The following FTO variants were observed in gnomAD, a reference collection of about 807,000 sequenced individuals.
FTO encodes alpha-ketoglutarate-dependent dioxygenase FTO.
FTO carries 47 observed loss-of-function variants against 63.9 expected under a neutral mutation model. The ratio of observed to expected loss-of-function variants is 0.74; its 90% confidence interval spans 0.58 to 0.94. FTO has a LOEUF of 0.94. Among genes scored for constraint, FTO ranks in the 40% least tolerant of loss-of-function variants. The probability of loss-of-function intolerance (pLI) is 0.00; values close to 1 mark genes in which losing one functional copy is unlikely to be tolerated. For missense variants in FTO, 562 were observed against 618.1 expected (o/e 0.91, Z 0.96); for synonymous variants, 207 against 224.4 (o/e 0.92, Z 0.69).
intron 1 of FTO, among the ~76,000 whole-genome samples, chr16:53,780,558 C>T (rs62033401): frequency 0.099 from 15,120 of 152,112 alleles, 934 homozygotes; most frequent in Middle Eastern, 0.25. Context: ...CCTGTAGAGA[C>T]GGGGTTTTGC....
At chr16:53,822,013 C>T (rs62033422) in intron 2 of FTO, among the ~76,000 whole-genome samples, 58,024 of 151,920 alleles carry the variant, frequency 0.38, 11,463 homozygotes, top group Middle Eastern at 0.51. Flanking sequence ...ATGTTCCAGG[C>T]TGGAAGGGAT....
intron 8 of FTO, among the ~76,000 whole-genome samples, chr16:54,104,522 A>G (rs1167659022): frequency 1.3e-5 from 2 of 152,108 alleles, no homozygotes; most frequent in African/African-American, 4.8e-5. Context: ...CACATTGGTC[A>G]GGCTGGTCTC....
Position 54,120,459 on chromosome 16 carries a change from T to G in FTO, c.*8544T>G, listed in dbSNP as rs1315206389. 1 of 152,248 alleles carries G rather than the reference T, an allele frequency of 6.6e-6. No individual in the cohort carries two copies. The highest frequency in any genetic ancestry group is 1.5e-5 in the Non-Finnish European group (1 of 68,058). The allele number at this position is 152,248 out of a possible 1,614,324, so 9.4% of individuals were successfully genotyped here. On this transcript the variant is annotated 3_prime_UTR_variant, in exon 9 of 9. Transcript: ENST00000471389. ...ATTTCTAATTTCTGCCCTTTGCTCA[T>G]TTTAATACAGAGCCTGAGGATAGGA...
chr16:54,112,910 T>C lies in FTO; in HGVS notation c.*995T>C, dbSNP rs1400652886. ...ACCTCAGTGGCCCATCCTGATGACA[T>C]TGGAGACTCAAAGAGACAAGAGAGA... On this transcript the variant is annotated 3_prime_UTR_variant, in exon 9 of 9. Transcript: ENST00000471389. 2 of 152,138 alleles carry C rather than the reference T, an allele frequency of 1.3e-5. No homozygotes were observed. The highest frequency in any genetic ancestry group is 2.9e-5 in the Non-Finnish European group (2 of 68,024). The allele number at this position is 152,138 out of a possible 1,614,324, so 9.4% of individuals were successfully genotyped here.
chr16:54,057,933 A>G (rs1246944283), intron 8 of FTO, among the ~76,000 whole-genome samples: 1 of 152,000 alleles, frequency 6.6e-6, no homozygotes, highest in Admixed American at 6.6e-5. Context: ...AGTGGTAAGA[A>G]CACATCTCCA....
chr16:53,717,200 C>G (rs2075914881), intron 1 of FTO, among the ~76,000 whole-genome samples: 1 of 151,924 alleles, frequency 6.6e-6, no homozygotes, highest in African/African-American at 2.4e-5. Flanking sequence ...TTTTGGTTCT[C>G]ATTGTCAAGT....
At chr16:53,840,068 G>A (rs1279120502) in intron 3 of FTO, among the ~76,000 whole-genome samples, 3 of 152,032 alleles carry the variant, frequency 2.0e-5, no homozygotes, top group African/African-American at 7.2e-5. Context: ...CTCCCAATGT[G>A]CTGGGATTAC....
intron 8 of FTO, among the ~76,000 whole-genome samples, chr16:54,078,149 T>G (rs1445978901): frequency 6.6e-6 from 1 of 151,962 alleles, no homozygotes; most frequent in East Asian, 1.9e-4. Flanking sequence ...CTTCCGTTGG[T>G]CTAAATTCTA....
intron 8 of FTO, chr16:53,991,287 C>T (rs1290639692): frequency 6.6e-6 from 1 of 152,192 alleles, no homozygotes; most frequent in Non-Finnish European, 1.5e-5. Flanking sequence ...AACACCCAAG[C>T]CTCGTGATTA....
chr16:53,987,788 A>G (rs752688995), intron 8 of FTO, among the ~76,000 whole-genome samples: 38 of 152,258 alleles, frequency 2.5e-4, no homozygotes, highest in South Asian at 6.2e-4. Context: ...ACTCTTCAGT[A>G]TTATTATTTT....
rs1284441539 is a variant in FTO at position 53,997,194 on chromosome 16, GGAGAAAGAAAGAAGGAAGGAAGGA to G, written c.1364+63090_1364+63113del. Among the ~76,000 whole-genome samples, 8 of 143,524 alleles carry G rather than the reference GGAGAAAGAAAGAAGGAAGGAAGGA, an allele frequency of 5.6e-5. No homozygotes were observed. In the East Asian group the frequency reaches 1.1e-3, roughly 19 times the overall value. The allele number at this position is 143,524 out of a possible 152,430, so 94.2% of individuals were successfully genotyped here. On this transcript the variant is annotated intron_variant, in intron 8 of 8. Transcript: ENST00000471389. ...GAGAGGGAGAGAAAGAAGGAAGGAAGGAGAAAGAAAGAAGGAAGGAAGGAGAGAGAGAGAAAGAAAGAAAGAAAG... is the reference window on the plus strand; with the variant it reads ...GAGAGGGAGAGAAAGAAGGAAGGAAGGAGAGAGAGAAAGAAAGAAAGAAAG...
intron 4 of FTO, among the ~76,000 whole-genome samples, chr16:53,855,169 T>C (rs2079949249): frequency 6.6e-6 from 1 of 152,178 alleles, no homozygotes; most frequent in Non-Finnish European, 1.5e-5. Context: ...AATTTGTTTT[T>C]CAAATCTAGG....
intron 8 of FTO, among the ~76,000 whole-genome samples, chr16:54,099,302 A>G (rs1260065922): frequency 6.6e-6 from 1 of 152,134 alleles, no homozygotes; most frequent in African/African-American, 2.4e-5. Flanking sequence ...GTTTGTTTTC[A>G]TTGTTGCCCT....
intron 8 of FTO, among the ~76,000 whole-genome samples, chr16:54,106,834 A>G (rs2086765367): frequency 7.3e-6 from 1 of 137,186 alleles, no homozygotes; most frequent in Non-Finnish European, 1.5e-5. Context: ...TATATAATTT[A>G]TGTATATCAT....
intron 4 of FTO, among the ~76,000 whole-genome samples, chr16:53,858,044 T>C (rs1036141213): frequency 6.6e-6 from 1 of 152,060 alleles, no homozygotes; most frequent in Non-Finnish European, 1.5e-5. Flanking sequence ...TAATTTTATA[T>C]AAACAAAGGA....
chr16:53,780,995 C>T (rs1435786529), intron 1 of FTO, among the ~76,000 whole-genome samples: 11 of 152,018 alleles, frequency 7.2e-5, no homozygotes. Context: ...ATTTATTTGG[C>T]TATTTTTCTG....
chr16:53,770,350 T>C (rs2151629384), intron 1 of FTO, among the ~76,000 whole-genome samples: 1 of 152,340 alleles, frequency 6.6e-6, no homozygotes, highest in African/African-American at 2.4e-5. Context: ...CAGTGATTGC[T>C]GAGAAATTAT....
At position 54,117,259 on chromosome 16, in the gene FTO, T is replaced by C. The variant is rs953078865; in HGVS notation, c.*5344T>C. 1 of 152,196 alleles carries C rather than the reference T, an allele frequency of 6.6e-6. No homozygotes were observed. Among genetic ancestry groups the C allele is most frequent in the Non-Finnish European group, 1.5e-5 (1 of 68,054 alleles). The allele number at this position is 152,196 out of a possible 1,614,324, so 9.4% of individuals were successfully genotyped here. ...TCAATAAGTTAATGCGTATTTAAAATGCCTCCCACAGTACCTGACATATAC... is the reference window on the plus strand; with the variant it reads ...TCAATAAGTTAATGCGTATTTAAAACGCCTCCCACAGTACCTGACATATAC... On this transcript the variant is annotated 3_prime_UTR_variant, in exon 9 of 9. Transcript: ENST00000471389.
rs2085231012 is a variant in FTO, at chr16:54,048,266, AAAAAAAAG to A, written c.1365-63493_1365-63486del. Reference sequence around the variant, plus strand: ...AAAATAAAAATACTTGAAAAAAAAAAAAAAAAAGAAGCTAAGATTTGAGTTGCTTGGGT... The same window carrying A: ...AAAATAAAAATACTTGAAAAAAAAAAAAGCTAAGATTTGAGTTGCTTGGGT... On this transcript the variant is annotated intron_variant, in intron 8 of 8. Coordinates refer to ENST00000471389, the MANE Select transcript of FTO (RefSeq NM_001080432.3). Among the ~76,000 whole-genome samples the A allele has an allele frequency of 2.6e-5, 4 of 151,040 alleles. No individual in the cohort carries two copies. The South Asian group carries it at 8.3e-4, about 32-fold the overall frequency.
Sources: gnomAD v4.1 joint callset for allele counts (sites outside exome capture counted in the v4.1 genomes callset) on GRCh38, gnomAD v4.1.1 for gene constraint, MANE v1.5 for transcripts, NCBI Gene and HGNC (gene_info 2026-07-23, HGNC 2026-07-21) for gene names.